DNAH12: variants seen among roughly 807,000 people sequenced by gnomAD.
The protein encoded by DNAH12 is dynein axonemal heavy chain 12, also known as axonemal beta dynein heavy chain 12.
Under a neutral mutation model 371.5 loss-of-function variants are expected in DNAH12, and 285 were observed. The observed-to-expected ratio is 0.77, with a 90% CI of 0.70 to 0.85. DNAH12 has a LOEUF of 0.85. Among genes scored for constraint, DNAH12 ranks in the 40% least tolerant of loss-of-function variants. DNAH12 has a pLI of 0.00. For synonymous variants in DNAH12, 1,200 were observed against 1,213.0 expected (o/e 0.99, Z 0.22); for missense variants, 3,611 against 3,689.4 (o/e 0.98, Z 0.55).
intron 9 of DNAH12, 79 bp downstream of exon 9, chr3:57,503,937 A>G: frequency 9.0e-7 from 1 of 1,105,558 alleles, no homozygotes; most frequent in Non-Finnish European, 1.2e-6. Context: ...GAGTCATAAC[A>G]TTGTATGTAC....
intron 59 of DNAH12, among the ~76,000 whole-genome samples, chr3:57,354,407 C>G (rs2062749550): frequency 6.6e-6 from 1 of 151,870 alleles, no homozygotes; most frequent in Non-Finnish European, 1.5e-5. Context: ...TGCTTATTAC[C>G]TGGGTGATGA....
At chr3:57,444,250 C>A (rs973578242) in intron 29 of DNAH12, among the ~76,000 whole-genome samples, 4 of 151,630 alleles carry the variant, frequency 2.6e-5, no homozygotes, top group Non-Finnish European at 5.9e-5. Flanking sequence ...AATACTTATT[C>A]TCTTACAAAG....
chr3:57,420,547 T>G (rs1391538258), intron 36 of DNAH12, among the ~76,000 whole-genome samples: 1 of 152,204 alleles, frequency 6.6e-6, no homozygotes, highest in Non-Finnish European at 1.5e-5. Flanking sequence ...CTACTGTCAC[T>G]TTCCCTTTCC....
intron 45 of DNAH12, among the ~76,000 whole-genome samples, chr3:57,391,055 T>A (rs894952357): frequency 6.6e-6 from 1 of 152,140 alleles, no homozygotes; most frequent in Non-Finnish European, 1.5e-5. Context: ...CCTTCTCCTT[T>A]TCCAAGTACT....
intron 70 of DNAH12, among the ~76,000 whole-genome samples, chr3:57,298,046 G>C (rs2061269943): frequency 6.6e-6 from 1 of 152,022 alleles, no homozygotes; most frequent in East Asian, 1.9e-4. Context: ...TTCTAATCTG[G>C]ACTGGACTAA....
intron 34 of DNAH12, among the ~76,000 whole-genome samples, chr3:57,425,686 C>A (rs532631693): frequency 6.6e-6 from 1 of 152,144 alleles, no homozygotes; most frequent in Non-Finnish European, 1.5e-5. Context: ...ATTGTACAAT[C>A]GCACATAATA....
Position 57,322,324 on chromosome 3 carries a change from T to C in DNAH12, c.10524+19A>G. 1.3e-6 allele frequency: 2 copies of C among 1,538,632 alleles called. No homozygotes were observed. Among genetic ancestry groups the C allele is most frequent in the Non-Finnish European group, 8.8e-7 (1 of 1,141,044 alleles). On this transcript the variant is annotated intron_variant, in intron 65 of 73. Coordinates refer to ENST00000495027, the MANE Select transcript of DNAH12 (RefSeq NM_001366028.2). ...TCACTATAAAACACATTTTAAAAGT[T>C]CCAAAAGATGAATATTACCAGTTCC...
Position 57,470,549 on chromosome 3 carries a change from T to C in DNAH12, c.1999A>G (p.Lys667Glu), listed in dbSNP as rs1575646618. 1 of 1,550,330 alleles carries C rather than the reference T, an allele frequency of 6.5e-7. No individual in the cohort carries two copies. The highest frequency in any genetic ancestry group is 1.2e-5 in the South Asian group (1 of 83,508). The change falls in exon 16 of 74, where the codon AAG (lysine) becomes GAG (glutamate). Residue 667 changes from lysine to glutamate, a missense_variant. Coordinates refer to ENST00000495027, the MANE Select transcript of DNAH12 (RefSeq NM_001366028.2). ...TCAGGATATTTTGTCAATTCCCACTTGAAAAGTTCCTCTTCTTTATTAATA... is the reference window on the plus strand; with the variant it reads ...TCAGGATATTTTGTCAATTCCCACTCGAAAAGTTCCTCTTCTTTATTAATA... Reference protein sequence around the residue: ...QFINKEEELFKWELTKYPELD... With the variant: ...QFINKEEELFEWELTKYPELD...
intron 8 of DNAH12, among the ~76,000 whole-genome samples, chr3:57,507,374 A>T (rs774335087): frequency 1.3e-5 from 2 of 152,084 alleles, no homozygotes; most frequent in Non-Finnish European, 2.9e-5. Context: ...TTGTTAACAT[A>T]CTCCAAATAA....
intron 4 of DNAH12, among the ~76,000 whole-genome samples, chr3:57,511,486 A>G (rs1338570297): frequency 1.3e-5 from 2 of 152,220 alleles, no homozygotes; most frequent in Non-Finnish European, 2.9e-5. Flanking sequence ...GATCTTAGTA[A>G]AGACATTTTA....
At chr3:57,317,888 G>A (rs558404124) in intron 65 of DNAH12, among the ~76,000 whole-genome samples, 7 of 152,108 alleles carry the variant, frequency 4.6e-5, no homozygotes, top group Admixed American at 1.3e-4. Flanking sequence ...TCTCATTGTG[G>A]TTTTGATTTG....
chr3:57,295,651 A>C, intron 72 of DNAH12, 59 bp from the exon 73 acceptor site: 1 of 1,411,046 alleles, frequency 7.1e-7, no homozygotes, highest in Non-Finnish European at 9.6e-7. Flanking sequence ...TTCTGAGAAC[A>C]GATTGCTACT....
In DNAH12 at chr3:57,468,965, C is replaced by T; in HGVS notation, c.2120G>A (p.Gly707Glu). ...GCTTTCCCCATTGAGGTCCAAAAAC[C>T]CTCCATCCATCCACCTGAATGGAAA... Reference protein sequence around the residue: ...QRSEKRWMDGGFLDLNGESME... With the variant: ...QRSEKRWMDGEFLDLNGESME... Residue 707 changes from glycine (G) to glutamate (E), a missense_variant, in exon 17 of 74, where the codon GGG becomes GAG. By Grantham distance (98) the Gly-to-Glu change is moderately conservative. Coordinates refer to ENST00000495027, the MANE Select transcript of DNAH12 (RefSeq NM_001366028.2). 6.6e-7 allele frequency: 1 copy of T among 1,508,816 alleles called. No individual in the cohort carries two copies. The allele number at this position is 1,508,816 out of a possible 1,614,324, so 93.5% of individuals were successfully genotyped here. A position where few individuals can be genotyped will look rare whatever the true frequency, so the allele number is the denominator to read the frequency against.
chr3:57,340,526 T>A (rs1161687234), intron 60 of DNAH12, among the ~76,000 whole-genome samples: 3 of 152,098 alleles, frequency 2.0e-5, no homozygotes, highest in Non-Finnish European at 4.4e-5. Context: ...TAAACAATTA[T>A]AAACTAATCA....
chr3:57,367,960 T>C (rs2063087695), intron 56 of DNAH12, 86 bp downstream of exon 56: 1 of 152,240 alleles, frequency 6.6e-6, no homozygotes, highest in Non-Finnish European at 1.5e-5. Flanking sequence ...ACATTATTAT[T>C]AAATGTATGT....
chr3:57,365,126 A>G (rs1258569172), intron 57 of DNAH12, among the ~76,000 whole-genome samples: 1 of 152,252 alleles, frequency 6.6e-6, no homozygotes, highest in Non-Finnish European at 1.5e-5. Flanking sequence ...CCAAAGGAAT[A>G]GAAATCATTC....
intron 62 of DNAH12, among the ~76,000 whole-genome samples, chr3:57,324,322 A>G (rs1487591996): frequency 2.0e-5 from 3 of 152,172 alleles, no homozygotes; most frequent in African/African-American, 7.2e-5. Context: ...AATACTCATA[A>G]TAAGAAAAAT....
intron 4 of DNAH12, among the ~76,000 whole-genome samples, chr3:57,521,643 T>C (rs2068450532): frequency 6.6e-6 from 1 of 152,206 alleles, no homozygotes; most frequent in Admixed American, 6.5e-5. Flanking sequence ...TCCCAGCACT[T>C]TGGGAGGCCA....
intron 19 of DNAH12, 64 bp downstream of exon 19, chr3:57,461,425 C>T (rs1031793190): frequency 5.3e-5 from 77 of 1,449,582 alleles, no homozygotes; most frequent in Non-Finnish European, 6.8e-5. Context: ...ACCATGAGAG[C>T]GTATATGTAA....
Sources: allele counts gnomAD v4.1 joint callset (sites outside exome capture counted in the v4.1 genomes callset), GRCh38; gene constraint gnomAD v4.1.1; transcripts MANE v1.5; gene names NCBI Gene and HGNC (gene_info 2026-07-23, HGNC 2026-07-21).